Variants in RAPH1 observed in about 807,000 individuals in gnomAD.
The protein encoded by RAPH1 is Ras association (RalGDS/AF-6) and pleckstrin homology domains 1.
In RAPH1, 18 loss-of-function variants were observed where a neutral mutation model predicts 88.1. The ratio of observed to expected loss-of-function variants is 0.20; its 90% CI spans 0.14 to 0.30. The LOEUF (loss-of-function observed/expected upper bound fraction) is 0.30, where lower values mean the gene tolerates loss of function less well. RAPH1 is among the 10% of genes least tolerant of loss of function. RAPH1 has a pLI of 1.00. For missense variants in RAPH1, 1,448 were observed against 1,543.2 expected (o/e 0.94, Z 1.03); for synonymous variants, 587 against 559.0 (o/e 1.05, Z -0.71).
chr2:203,514,006 C>A (rs1346809132), intron 1 of RAPH1, among the ~76,000 whole-genome samples: 4 of 151,864 alleles, frequency 2.6e-5, no homozygotes, highest in Non-Finnish European at 5.9e-5. Flanking sequence ...CCACACCCAG[C>A]TAATTTTTGT....
intron 1 of RAPH1, among the ~76,000 whole-genome samples, chr2:203,506,850 C>CTATATATATATATATATATA (rs1386285913): frequency 1.3e-5 from 1 of 75,494 alleles, no homozygotes. Flanking sequence ...ATATATCTAT[C>CTATATATATATATATATATA]TATATCTATA....
intron 1 of RAPH1, among the ~76,000 whole-genome samples, chr2:203,506,889 TA>T (rs1689107038): frequency 8.9e-6 from 1 of 112,190 alleles, no homozygotes; most frequent in African/African-American, 4.3e-5. Flanking sequence ...TAGATATATA[TA>T]TATATATATT....
At chr2:203,526,598 A>C (rs1336809787) in intron 1 of RAPH1, among the ~76,000 whole-genome samples, 1 of 150,152 alleles carries the variant, frequency 6.7e-6, no homozygotes, top group East Asian at 2.0e-4. Flanking sequence ...GGTGATGGGC[A>C]CCTGTAATCC....
intron 1 of RAPH1, among the ~76,000 whole-genome samples, chr2:203,531,914 C>T (rs1054979865): frequency 1.3e-5 from 2 of 151,928 alleles, no homozygotes; most frequent in African/African-American, 2.4e-5. Flanking sequence ...AAAAAAGAAC[C>T]GAAAGGAGGG....
intron 10 of RAPH1, among the ~76,000 whole-genome samples, chr2:203,452,445 A>G (rs942435869): frequency 6.6e-6 from 1 of 152,254 alleles, no homozygotes; most frequent in Admixed American, 6.5e-5. Context: ...CCTTGTTAAA[A>G]TAACTCGTAT....
intron 4 of RAPH1, among the ~76,000 whole-genome samples, chr2:203,465,978 A>G (rs965911825): frequency 1.3e-5 from 2 of 152,210 alleles, no homozygotes; most frequent in African/African-American, 2.4e-5. Flanking sequence ...CTAACTGTCA[A>G]TAAGAAATTT....
At chr2:203,526,423 A>G (rs1190243072) in intron 1 of RAPH1, among the ~76,000 whole-genome samples, 1 of 152,140 alleles carries the variant, frequency 6.6e-6, no homozygotes, top group East Asian at 1.9e-4. Flanking sequence ...AGATGACTTC[A>G]TATAAGAATA....
intron 8 of RAPH1, among the ~76,000 whole-genome samples, chr2:203,456,174 A>C (rs1382130659): frequency 1.3e-5 from 2 of 152,206 alleles, no homozygotes; most frequent in African/African-American, 4.8e-5. Flanking sequence ...TTTTAACTAA[A>C]ACACTGTTTC....
rs184980043 is a variant in RAPH1 at position 203,437,822 on chromosome 2, A to G, written c.*1615T>C. 1.6e-3 allele frequency: 311 copies of G among 200,348 alleles called. 1 individual carries two copies. The highest frequency in any genetic ancestry group is 1.8e-3 in the Non-Finnish European group (176 of 98,474). The allele number at this position is 200,348 out of a possible 1,614,324, so 12.4% of individuals were successfully genotyped here. A position where few individuals can be genotyped will look rare whatever the true frequency, so the allele number is the denominator to read the frequency against. Reference sequence around the variant, plus strand: ...TGGGACAATGTCAACTGATTTCTGCAGTTTGCATTGGTAATCATTAACAAT... The same window carrying G: ...TGGGACAATGTCAACTGATTTCTGCGGTTTGCATTGGTAATCATTAACAAT... On this transcript the variant is annotated 3_prime_UTR_variant, in exon 14 of 14. Transcript: ENST00000319170.
chr2:203,456,336 A>G, intron 8 of RAPH1, among the ~76,000 whole-genome samples: 1 of 152,244 alleles, frequency 6.6e-6, no homozygotes, highest in East Asian at 1.9e-4. Context: ...TTAGCTGTCA[A>G]ACTAAACAGG....
At chr2:203,461,754 T>A (rs2098524393) in intron 5 of RAPH1, 94 bp downstream of exon 5, 1 of 865,498 alleles carries the variant, frequency 1.2e-6, no homozygotes, top group Non-Finnish European at 1.8e-6. Context: ...TATCTCTCCA[T>A]ATCTTAGAAG....
chr2:203,481,758 A>AT (rs757903816), intron 4 of RAPH1, among the ~76,000 whole-genome samples: 5,582 of 137,298 alleles, frequency 0.041, 364 homozygotes, highest in African/African-American at 0.13. Flanking sequence ...CGCCAGGATA[A>AT]TTTTTTTTTT....
intron 1 of RAPH1, among the ~76,000 whole-genome samples, chr2:203,508,238 AAAAAGG>A (rs1366644207): frequency 3.3e-5 from 5 of 150,560 alleles, no homozygotes; most frequent in African/African-American, 7.4e-5. Context: ...AAAAAAAAAA[AAAAAGG>A]AAGAAAGAAA....
rs371462431 is a variant in RAPH1, at chr2:203,465,283, C to T, written c.733-3358G>A. Among the ~76,000 whole-genome samples the T allele has an allele frequency of 4.6e-5, 7 of 152,250 alleles. 1 individual carries two copies. The East Asian group carries it at 7.7e-4, about 17-fold the overall frequency. ...AGTAATAAATAAACTATGGTGCATC[C>T]TGACAATGGAATATTATTCAGCACT... On this transcript the variant is annotated intron_variant, in intron 4 of 13. Coordinates refer to ENST00000319170, the MANE Select transcript of RAPH1 (RefSeq NM_213589.3).
chr2:203,480,751 C>A (rs1401302414), intron 4 of RAPH1, among the ~76,000 whole-genome samples: 1 of 152,112 alleles, frequency 6.6e-6, no homozygotes, highest in East Asian at 1.9e-4. Context: ...AGATTTCCAT[C>A]ATCTTTACTG....
At chr2:203,467,708 T>A (rs1212173486) in intron 4 of RAPH1, among the ~76,000 whole-genome samples, 1 of 152,170 alleles carries the variant, frequency 6.6e-6, no homozygotes, top group Non-Finnish European at 1.5e-5. Flanking sequence ...TGGTATTGAT[T>A]TGGGTCCTGG....
rs756663539 is a variant in RAPH1, at chr2:203,437,801, A to T, written c.*1636T>A. On this transcript the variant is annotated 3_prime_UTR_variant, in exon 14 of 14. Transcript: ENST00000319170. ...ACTGGCATCACTTTTTCCTTGTGGG[A>T]CAATGTCAACTGATTTCTGCAGTTT... 5.2e-6 allele frequency: 1 copy of T among 190,964 alleles called. No homozygotes were observed. The highest frequency in any genetic ancestry group is 1.1e-5 in the Non-Finnish European group (1 of 93,076). The allele number at this position is 190,964 out of a possible 1,614,324, so 11.8% of individuals were successfully genotyped here.
chr2:203,439,976 CAG>C lies in RAPH1; in HGVS notation c.3212_3213del (p.Ser1071Ter). On this transcript the variant is annotated frameshift_variant, in exon 14 of 14. Transcript: ENST00000319170. LOFTEE classifies it high-confidence loss of function. ...GTTTCAGGTGGAGGGGGTGGAAAAT[CAG>C]AATCGGATGGAGGAGAAGGAAATTC... ...VVEFPSPPSDSDFPPPPPETE... is the reference protein window; with the variant it reads ...VVEFPSPPSDXDFPPPPPETE... 6.2e-7 allele frequency: 1 copy of C among 1,613,328 alleles called. No individual in the cohort carries two copies. The highest frequency in any genetic ancestry group is 8.5e-7 in the Non-Finnish European group (1 of 1,179,892).
intron 13 of RAPH1, chr2:203,442,120 C>T: frequency 3.9e-6 from 6 of 1,550,470 alleles, no homozygotes; most frequent in Non-Finnish European, 4.4e-6. Flanking sequence ...AACATTATAG[C>T]AAAAGACTGT....
Sources: gnomAD v4.1 joint callset for allele counts (sites outside exome capture counted in the v4.1 genomes callset) on GRCh38, gnomAD v4.1.1 for gene constraint, MANE v1.5 for transcripts, NCBI Gene and HGNC (gene_info 2026-07-23, HGNC 2026-07-21) for gene names.